SGCZ: variants seen among roughly 807,000 people sequenced by gnomAD.
SGCZ encodes the protein sarcoglycan zeta.
In SGCZ, 40 loss-of-function variants were observed where a neutral mutation model predicts 41.3. That is an observed-to-expected ratio of 0.97 (90% confidence interval 0.75 to 1.26). The LOEUF is 1.26. SGCZ is among the 50% of genes most tolerant of loss of function. The probability of loss-of-function intolerance (pLI) is 0.00; values close to 1 mark genes in which losing one functional copy is unlikely to be tolerated. For synonymous variants in SGCZ, 206 were observed against 137.5 expected, an observed-to-expected ratio of 1.50 and a Z score of -3.49; for missense variants, 552 against 369.8, an observed-to-expected ratio of 1.49 and a Z score of -4.04.
chr8:14,491,575 T>C (rs1801843976), intron 2 of SGCZ, among the ~76,000 whole-genome samples: 1 of 152,200 alleles, frequency 6.6e-6, no homozygotes, highest in African/African-American at 2.4e-5. Flanking sequence ...TTATATCCTT[T>C]AATAGATAAA....
intron 1 of SGCZ, among the ~76,000 whole-genome samples, chr8:14,651,291 A>C (rs6530793): frequency 0.53 from 80,789 of 151,354 alleles, 22,174 homozygotes; most frequent in East Asian, 0.79. Flanking sequence ...AGGGCATTTT[A>C]TGAAAATATT....
intron 1 of SGCZ, among the ~76,000 whole-genome samples, chr8:15,233,436 C>T (rs974809809): frequency 4.6e-5 from 7 of 151,578 alleles, no homozygotes; most frequent in African/African-American, 1.7e-4. Flanking sequence ...TGCTTTAAGA[C>T]CTCAGCATTT....
intron 5 of SGCZ, among the ~76,000 whole-genome samples, chr8:14,154,758 G>T (rs1563157177): frequency 6.6e-6 from 1 of 152,048 alleles, no homozygotes; most frequent in South Asian, 2.1e-4. Flanking sequence ...CTCTTTGAAG[G>T]CTTACTCTTC....
chr8:14,572,702 T>C (rs2117235217), intron 1 of SGCZ, among the ~76,000 whole-genome samples: 1 of 152,242 alleles, frequency 6.6e-6, no homozygotes, highest in South Asian at 2.1e-4. Context: ...ATTTCCTTCA[T>C]ACATCTGTAC....
At chr8:14,407,931 C>T (rs984164731) in intron 2 of SGCZ, among the ~76,000 whole-genome samples, 3 of 152,100 alleles carry the variant, frequency 2.0e-5, no homozygotes, top group African/African-American at 7.2e-5. Flanking sequence ...TTGCTTTTCA[C>T]TTATTTTTGT....
intron 2 of SGCZ, among the ~76,000 whole-genome samples, chr8:14,403,790 T>G (rs1799140526): frequency 6.6e-6 from 1 of 152,184 alleles, no homozygotes; most frequent in Non-Finnish European, 1.5e-5. Flanking sequence ...ATGCAATATT[T>G]ATATAAAATG....
intron 1 of SGCZ, among the ~76,000 whole-genome samples, chr8:15,059,816 G>A (rs532355239): frequency 3.9e-5 from 6 of 152,230 alleles, no homozygotes; most frequent in East Asian, 1.9e-4. Context: ...AAGAACTCCC[G>A]GTTAATGCCT....
chr8:14,603,406 G>A (rs1407464165), intron 1 of SGCZ, among the ~76,000 whole-genome samples: 1 of 152,034 alleles, frequency 6.6e-6, no homozygotes, highest in Non-Finnish European at 1.5e-5. Flanking sequence ...GGATATGGTT[G>A]TTATCTATAT....
intron 7 of SGCZ, among the ~76,000 whole-genome samples, chr8:14,093,154 T>C (rs1403836418): frequency 6.6e-6 from 1 of 152,092 alleles, no homozygotes; most frequent in African/African-American, 2.4e-5. Context: ...TATCCCTAAA[T>C]TGACAGGAGT....
intron 2 of SGCZ, among the ~76,000 whole-genome samples, chr8:14,417,375 A>T (rs895366909): frequency 7.2e-5 from 11 of 151,892 alleles, no homozygotes; most frequent in Non-Finnish European, 1.5e-4. Flanking sequence ...GGTTAGGAAA[A>T]TAGACTTATA....
At chr8:14,469,776 G>T (rs1181016560) in intron 2 of SGCZ, among the ~76,000 whole-genome samples, 2 of 152,134 alleles carry the variant, frequency 1.3e-5, no homozygotes, top group East Asian at 3.9e-4. Flanking sequence ...ACATAATAAA[G>T]CCCTTATAAA....
chr8:14,323,013 T>C (rs1386828083), intron 3 of SGCZ, among the ~76,000 whole-genome samples: 1 of 152,154 alleles, frequency 6.6e-6, no homozygotes, highest in Admixed American at 6.6e-5. Flanking sequence ...CTGTCTACTG[T>C]GTTACTTGTC....
chr8:14,690,211 G>C (rs143594713), intron 1 of SGCZ, among the ~76,000 whole-genome samples: 2 of 151,918 alleles, frequency 1.3e-5, no homozygotes, highest in African/African-American at 4.8e-5. Context: ...TTAGAAAAAG[G>C]GTTATGCCTA....
chr8:14,680,037 A>T (rs28813190), intron 1 of SGCZ, among the ~76,000 whole-genome samples: 3 of 151,942 alleles, frequency 2.0e-5, no homozygotes, highest in East Asian at 1.9e-4. Flanking sequence ...GCTAGGTTTA[A>T]GTATTTTCCA....
intron 1 of SGCZ, among the ~76,000 whole-genome samples, chr8:14,644,930 G>T (rs1364554768): frequency 1.5e-5 from 2 of 129,254 alleles, no homozygotes; most frequent in African/African-American, 2.8e-5. Flanking sequence ...AAAATATAAA[G>T]CCTTTGTGTA....
At chr8:14,743,294 C>G (rs532778436) in intron 1 of SGCZ, among the ~76,000 whole-genome samples, 7 of 151,946 alleles carry the variant, frequency 4.6e-5, no homozygotes, top group Admixed American at 1.3e-4. Context: ...TTACAAATAA[C>G]CATATTTTAC....
chr8:15,221,022 G>T (rs1343787347), intron 1 of SGCZ, among the ~76,000 whole-genome samples: 4 of 152,170 alleles, frequency 2.6e-5, no homozygotes, highest in Middle Eastern at 3.4e-3. Context: ...GTCGGGTAGG[G>T]TATAGGGGGA....
intron 1 of SGCZ, among the ~76,000 whole-genome samples, chr8:15,114,745 GT>G (rs1010724118): frequency 1.3e-5 from 2 of 149,238 alleles, no homozygotes; most frequent in Admixed American, 1.3e-4. Context: ...AGATACAAGC[GT>G]TTTCTTTTTG....
At chr8:14,710,625 G>A (rs374167997) in intron 1 of SGCZ, among the ~76,000 whole-genome samples, 2 of 151,686 alleles carry the variant, frequency 1.3e-5, no homozygotes, top group Non-Finnish European at 2.9e-5. Context: ...TATTGTTTAC[G>A]AAAAAATGTC....
Sources: allele counts gnomAD v4.1 joint callset (sites outside exome capture counted in the v4.1 genomes callset), GRCh38; gene constraint gnomAD v4.1.1; transcripts MANE v1.5; gene names NCBI Gene and HGNC (gene_info 2026-07-23, HGNC 2026-07-21).